The following TRIM29 variants were observed in gnomAD, a reference collection of about 807,000 sequenced individuals.
TRIM29 encodes the protein tripartite motif-containing protein 29.
Under a neutral mutation model 57.3 loss-of-function variants are expected in TRIM29, and 52 were observed. The ratio of observed to expected loss-of-function variants is 0.91; its 90% CI spans 0.73 to 1.14. TRIM29 has a LOEUF of 1.14. Among genes scored for constraint, TRIM29 ranks in the 50% most tolerant of loss-of-function variants. The pLI is 0.00. For missense variants in TRIM29, 753 were observed against 774.6 expected, an observed-to-expected ratio of 0.97 and a Z score of 0.33; for synonymous variants, 319 against 316.9, an observed-to-expected ratio of 1.01 and a Z score of -0.07.
chr11:120,123,226 C>T (rs771513645), intron 4 of TRIM29, 171 bp from the exon 5 acceptor site: 20 of 703,794 alleles, frequency 2.8e-5, no homozygotes, highest in Non-Finnish European at 4.1e-5. Flanking sequence ...AGCATTCACT[C>T]GGTTCCTGAG....
chr11:120,117,970 C>A, intron 7 of TRIM29: 1 of 526,026 alleles, frequency 1.9e-6, no homozygotes, highest in Non-Finnish European at 3.4e-6. Context: ...CCACTGAGAG[C>A]TGTTGTTGCA....
intron 8 of TRIM29, 92 bp from the exon 9 acceptor site, chr11:120,112,568 C>G: frequency 2.2e-6 from 3 of 1,389,700 alleles, no homozygotes; most frequent in Middle Eastern, 1.8e-4. Flanking sequence ...CAGGAGGCAG[C>G]AGTGATCCAA....
rs887185369 is a variant in TRIM29 at position 120,119,899 on chromosome 11, A to G, written c.1528+674T>C. ...TGAATGCATGGCCCTGCCCTTGAGC[A>G]AATGGTCCCCTCAGAGCACTGGGCA... On this transcript the variant is annotated intron_variant, in intron 6 of 8. Coordinates refer to ENST00000341846, the MANE Select transcript of TRIM29 (RefSeq NM_012101.4). Among the ~76,000 whole-genome samples the G allele has an allele frequency of 1.3e-5, 2 of 152,246 alleles. 1 individual carries two copies.
In TRIM29 at chr11:120,137,942, C is replaced by G. The variant is rs1303976304; in HGVS notation, c.90G>C (p.Glu30Asp). ...CCTTGCCGTCAGCCTTGGTGCCATTCTCCAGGCTGCCACTGGGGCCCGACG... is the reference window on the plus strand; with the variant it reads ...CCTTGCCGTCAGCCTTGGTGCCATTGTCCAGGCTGCCACTGGGGCCCGACG... ...RSPSGPSGSL[E>D]NGTKADGKDA... The change falls in exon 1 of 9, where the codon GAG (glutamate) becomes GAC (aspartate). Residue 30 changes from glutamate (E) to aspartate (D), a missense_variant. By Grantham distance (45) the Glu-to-Asp change is conservative. Transcript: ENST00000341846. This position sits in a 1 kb window ranked among gnomAD's most constrained non-coding sequence, Gnocchi z 6.2. 1 of 1,608,260 alleles carries G rather than the reference C, an allele frequency of 6.2e-7. No homozygotes were observed. Among genetic ancestry groups the G allele is most frequent in the Non-Finnish European group, 8.5e-7 (1 of 1,180,002 alleles).
intron 6 of TRIM29, 81 bp downstream of exon 6, chr11:120,120,492 C>A (rs1320988298): frequency 7.6e-7 from 1 of 1,317,940 alleles, no homozygotes; most frequent in East Asian, 2.5e-5. Flanking sequence ...AGCCCTGTGC[C>A]CCTGGACCCA....
At chr11:120,124,807 C>T (rs1319463993) in intron 4 of TRIM29, 1 of 152,184 alleles carries the variant, frequency 6.6e-6, no homozygotes, top group Non-Finnish European at 1.5e-5. Flanking sequence ...CAAATGGCCT[C>T]CTGAACCCCA....
intron 8 of TRIM29, 83 bp from the exon 9 acceptor site, chr11:120,112,559 A>C: frequency 6.9e-7 from 1 of 1,438,906 alleles, no homozygotes; most frequent in Non-Finnish European, 9.7e-7. Context: ...AACCTGCCTC[A>C]GGAGGCAGCA....
rs201389716 is a variant in TRIM29 at position 120,122,987 on chromosome 11, T to G, written c.1402A>C (p.Met468Leu). Residue 468 changes from methionine to leucine, a missense_variant, in exon 5 of 9, where the codon ATG becomes CTG. By Grantham distance (15) the Met-to-Leu change is conservative. Transcript: ENST00000341846. ...FGGEWSAPDT[M>L]KRYSMYLTPK... ...GTCAGGTACATGGAGTATCTCTTCA[T>G]GGTGTCCGGTGCACTCCACTCACCC... The G allele has an allele frequency of 1.9e-6, 3 of 1,614,096 alleles. No homozygotes were observed. The South Asian group carries it at 3.3e-5, about 18-fold the overall frequency.
At position 120,125,852 on chromosome 11, in the gene TRIM29, G is replaced by T. The variant is rs200991578; in HGVS notation, c.1172C>A (p.Pro391Gln). The T allele has an allele frequency of 1.2e-4, 188 of 1,613,914 alleles. 1 individual carries two copies. The highest frequency in any genetic ancestry group is 5.7e-4 in the Admixed American group (34 of 59,994). ...GALMSNYSLPPPLPTYHVLLE... is the reference protein window; with the variant it reads ...GALMSNYSLPQPLPTYHVLLE... ...CAGGACATGATAGGTGGGCAGGGGT[G>T]GGGGGAGAGAGTAATTGCTCATCAA... The change falls in exon 4 of 9, where the codon CCA (proline) becomes CAA (glutamine). Residue 391 changes from proline to glutamine, a missense_variant. Transcript: ENST00000341846.
intron 5 of TRIM29, chr11:120,121,403 G>C (rs1006848836): frequency 2.6e-5 from 4 of 155,280 alleles, no homozygotes; most frequent in African/African-American, 9.7e-5. Flanking sequence ...CCCTTTAGGG[G>C]CCTTGTTTCT....
chr11:120,133,271 C>A (rs1345892877), intron 1 of TRIM29, among the ~76,000 whole-genome samples: 1 of 152,218 alleles, frequency 6.6e-6, no homozygotes, highest in African/African-American at 2.4e-5. Context: ...CCCTTCCAAT[C>A]CTACAGGAAC....
rs779406314 is a variant in TRIM29 at position 120,137,275 on chromosome 11, T to C, written c.757A>G (p.Lys253Glu). 1 of 1,614,170 alleles carries C rather than the reference T, an allele frequency of 6.2e-7. No individual in the cohort carries two copies. The highest frequency in any genetic ancestry group is 8.5e-7 in the Non-Finnish European group (1 of 1,180,018). Reference sequence around the variant, plus strand: ...TCCACTGTCACGGTGCTATGATTCTTGTGCTCCTGGAACATGCAAAGGTAG... The same window carrying C: ...TCCACTGTCACGGTGCTATGATTCTCGTGCTCCTGGAACATGCAAAGGTAG... ...ICYLCMFQEH[K>E]NHSTVTVEEA... The change falls in exon 1 of 9, where the codon AAG becomes GAG. Residue 253 changes from lysine (K) to glutamate (E), a missense_variant. By Grantham distance (56) the Lys-to-Glu change is moderately conservative. Coordinates refer to ENST00000341846, the MANE Select transcript of TRIM29 (RefSeq NM_012101.4). The surrounding 1 kb of genome is among the most constrained non-coding windows in gnomAD (Gnocchi z 6.2).
intron 4 of TRIM29, 179 bp from the exon 5 acceptor site, chr11:120,123,234 G>C: frequency 1.4e-6 from 1 of 701,334 alleles, no homozygotes. Flanking sequence ...CTCGGTTCCT[G>C]AGCTCTTGGT....
At chr11:120,114,425 C>T (rs1415178342) in intron 8 of TRIM29, among the ~76,000 whole-genome samples, 1 of 152,242 alleles carries the variant, frequency 6.6e-6, no homozygotes, top group African/African-American at 2.4e-5. Flanking sequence ...CAACCCCAGC[C>T]ATTCTTTGTG....
chr11:120,135,413 T>G (rs1418224628), intron 1 of TRIM29, among the ~76,000 whole-genome samples: 1 of 152,140 alleles, frequency 6.6e-6, no homozygotes, highest in Non-Finnish European at 1.5e-5. Flanking sequence ...TGGAAAGGAC[T>G]TATTCACAGC....
At chr11:120,133,196 C>T (rs548264285) in intron 1 of TRIM29, among the ~76,000 whole-genome samples, 1 of 152,324 alleles carries the variant, frequency 6.6e-6, no homozygotes, top group East Asian at 1.9e-4. Flanking sequence ...TTCAACAATT[C>T]ACCAGCTGAT....
intron 4 of TRIM29, 182 bp from the exon 5 acceptor site, chr11:120,123,237 CTCTTGG>C: frequency 1.4e-6 from 1 of 700,232 alleles, no homozygotes. Context: ...GGTTCCTGAG[CTCTTGG>C]TGGAGAAGGT....
At chr11:120,112,529 A>T (rs372292487) in intron 8 of TRIM29, 53 bp from the exon 9 acceptor site, 1 of 1,595,844 alleles carries the variant, frequency 6.3e-7, no homozygotes, top group African/African-American at 1.3e-5. Context: ...TGAGCCTGCT[A>T]GCTAGACCCA....
chr11:120,120,168 C>CA (rs1863396303), intron 6 of TRIM29, among the ~76,000 whole-genome samples: 2 of 120,786 alleles, frequency 1.7e-5, no homozygotes, highest in African/African-American at 5.9e-5. Flanking sequence ...TGCCCTCATA[C>CA]TTGTGGGGGG....
Sources: allele counts gnomAD v4.1 joint callset (sites outside exome capture counted in the v4.1 genomes callset), GRCh38; gene constraint gnomAD v4.1.1; non-coding constraint Gnocchi (gnomAD v3.1); transcripts MANE v1.5; gene names NCBI Gene and HGNC (gene_info 2026-07-23, HGNC 2026-07-21).